The following CNOT4 variants were observed in gnomAD, a reference collection of about 807,000 sequenced individuals.
CNOT4 encodes CCR4-associated factor 4.
A neutral mutation model predicts 73.8 loss-of-function variants in CNOT4; 8 were observed. The ratio of observed to expected loss-of-function variants is 0.11; its 90% CI spans 0.06 to 0.20. The LOEUF (loss-of-function observed/expected upper bound fraction) is 0.20. Ranked by LOEUF, CNOT4 falls within the 10% of genes least tolerant of loss-of-function variation. The pLI is 1.00. For synonymous variants in CNOT4, 293 were observed against 321.1 expected (o/e 0.91, Z 0.94); for missense variants, 564 against 883.4 (o/e 0.64, Z 4.58).
intron 10 of CNOT4, chr7:135,388,511 C>T: frequency 9.8e-7 from 1 of 1,025,062 alleles, no homozygotes; most frequent in Non-Finnish European, 1.2e-6. Context: ...TCTAGCTAAT[C>T]TCACCTGGGA....
chr7:135,453,981 T>TCAA (rs1482607480), intron 1 of CNOT4, among the ~76,000 whole-genome samples: 1 of 130,530 alleles, frequency 7.7e-6, no homozygotes, highest in African/African-American at 2.9e-5. Flanking sequence ...CTATAAAAAA[T>TCAA]ATATATACAT....
At chr7:135,389,000 T>C (rs996337335) in intron 10 of CNOT4, 11 of 1,071,610 alleles carry the variant, frequency 1.0e-5, no homozygotes, top group South Asian at 3.4e-5. Context: ...ATAAAATACA[T>C]GCTTAATGTT....
intron 10 of CNOT4, among the ~76,000 whole-genome samples, chr7:135,369,184 AAGACAT>A (rs1281932120): frequency 6.6e-6 from 1 of 152,242 alleles, no homozygotes; most frequent in African/African-American, 2.4e-5. Flanking sequence ...TAAAAGGGTA[AAGACAT>A]AGAAGACCTC....
intron 1 of CNOT4, among the ~76,000 whole-genome samples, chr7:135,490,531 T>A (rs1375302850): frequency 1.3e-5 from 2 of 151,738 alleles, no homozygotes; most frequent in Non-Finnish European, 2.9e-5. Flanking sequence ...GGCCCTCCCT[T>A]TCTAATTTCC....
intron 10 of CNOT4, among the ~76,000 whole-genome samples, chr7:135,385,360 A>T (rs745578081): frequency 5.3e-5 from 8 of 152,196 alleles, no homozygotes; most frequent in Non-Finnish European, 1.0e-4. Context: ...TTTCAAAGCA[A>T]CTGCAATTTG....
intron 1 of CNOT4, among the ~76,000 whole-genome samples, chr7:135,502,927 T>A (rs1450238070): frequency 8.0e-5 from 10 of 125,298 alleles, no homozygotes; most frequent in East Asian, 7.3e-4. Flanking sequence ...CTGAGGCAGG[T>A]GGATCACCTG....
intron 1 of CNOT4, among the ~76,000 whole-genome samples, chr7:135,457,236 A>G (rs1800594238): frequency 6.6e-6 from 1 of 152,050 alleles, no homozygotes; most frequent in Non-Finnish European, 1.5e-5. Context: ...GGGAGCATAC[A>G]GTTGTAAAAG....
At chr7:135,436,916 A>G (rs1313325188) in intron 2 of CNOT4, among the ~76,000 whole-genome samples, 4 of 152,130 alleles carry the variant, frequency 2.6e-5, no homozygotes, top group African/African-American at 7.2e-5. Flanking sequence ...GATAGTAATG[A>G]ACACAAGAGG....
chr7:135,429,145 T>G lies in CNOT4; in HGVS notation c.175-6792A>C, dbSNP rs1008886724. Among the ~76,000 whole-genome samples, 36 of 152,214 alleles carry G rather than the reference T, an allele frequency of 2.4e-4. 1 individual carries two copies. The highest frequency in any genetic ancestry group is 6.5e-4 in the African/African-American group (27 of 41,462). On this transcript the variant is annotated intron_variant, in intron 2 of 11. Transcript: ENST00000541284. ...TGGTGTTTATAATGGCTCAATATAC[T>G]TCAAAGTTGTACTGTTAAGTAAAGA...
intron 7 of CNOT4, among the ~76,000 whole-genome samples, chr7:135,401,321 T>C (rs1339844555): frequency 6.6e-6 from 1 of 152,348 alleles, no homozygotes; most frequent in South Asian, 2.1e-4. Flanking sequence ...ATAAAAACTT[T>C]AATAAATACC....
At chr7:135,386,102 A>G (rs980071242) in intron 10 of CNOT4, 3 of 151,524 alleles carry the variant, frequency 2.0e-5, no homozygotes, top group Non-Finnish European at 4.4e-5. Context: ...ATCATTCAGT[A>G]CAGGACTCTA....
At chr7:135,438,922 G>A (rs150351212) in intron 1 of CNOT4, among the ~76,000 whole-genome samples, 12 of 152,022 alleles carry the variant, frequency 7.9e-5, no homozygotes, top group South Asian at 6.3e-4. Context: ...AGAAAAACTC[G>A]GATGCCATAG....
At chr7:135,494,892 T>A (rs949965992) in intron 1 of CNOT4, among the ~76,000 whole-genome samples, 1 of 152,204 alleles carries the variant, frequency 6.6e-6, no homozygotes, top group African/African-American at 2.4e-5. Context: ...TCTTCTTCTA[T>A]TTTTTCTTCA....
intron 1 of CNOT4, among the ~76,000 whole-genome samples, chr7:135,488,343 C>A (rs964110699): frequency 6.6e-6 from 1 of 152,124 alleles, no homozygotes; most frequent in African/African-American, 2.4e-5. Flanking sequence ...GCAAGACAAT[C>A]GTACCACTAC....
chr7:135,422,422 G>T, intron 2 of CNOT4, 69 bp from the exon 3 acceptor site: 1 of 753,818 alleles, frequency 1.3e-6, no homozygotes, highest in South Asian at 1.6e-5. Context: ...GTAATTATCT[G>T]ATTCTTGGTG....
chr7:135,417,137 C>A (rs1284383058), intron 3 of CNOT4, among the ~76,000 whole-genome samples: 1 of 152,108 alleles, frequency 6.6e-6, no homozygotes, highest in Non-Finnish European at 1.5e-5. Context: ...GTGCAAGTAT[C>A]TTACTTCTTT....
Position 135,407,148 on chromosome 7 carries a change from T to A in CNOT4, c.821+3367A>T, listed in dbSNP as rs573807874. Among the ~76,000 whole-genome samples the A allele has an allele frequency of 8.5e-5, 13 of 152,296 alleles. No homozygotes were observed. In the East Asian group the frequency reaches 2.5e-3, roughly 29 times the overall value. On this transcript the variant is annotated intron_variant, in intron 7 of 11. Transcript: ENST00000541284. Reference sequence around the variant, plus strand: ...CCCCCTCCCTCTTGCTATCGCTGTATATGATGTGCCTGCCTCCCGCTTTGC... The same window carrying A: ...CCCCCTCCCTCTTGCTATCGCTGTAAATGATGTGCCTGCCTCCCGCTTTGC...
At chr7:135,402,037 C>T (rs755615099) in intron 7 of CNOT4, among the ~76,000 whole-genome samples, 2 of 150,710 alleles carry the variant, frequency 1.3e-5, no homozygotes, top group African/African-American at 2.5e-5. Flanking sequence ...TATTTTCATA[C>T]AAACGATCTA....
intron 10 of CNOT4, chr7:135,384,330 G>A: frequency 5.1e-6 from 1 of 196,340 alleles, no homozygotes; most frequent in Non-Finnish European, 1.0e-5. Context: ...TGTTGCCCAG[G>A]CTGGAGCACA....
Sources: allele counts gnomAD v4.1 joint callset (sites outside exome capture counted in the v4.1 genomes callset), GRCh38; gene constraint gnomAD v4.1.1; transcripts MANE v1.5; gene names NCBI Gene and HGNC (gene_info 2026-07-23, HGNC 2026-07-21).